ATXN10: variants seen among roughly 807,000 people sequenced by gnomAD.
The protein encoded by ATXN10 is ataxin 10, also known as ataxin-10.
In ATXN10, 28 loss-of-function variants were observed where a neutral mutation model predicts 52.9. The observed-to-expected ratio is 0.53, with a 90% CI of 0.39 to 0.73. The LOEUF (loss-of-function observed/expected upper bound fraction) is 0.73, where lower values mean the gene tolerates loss of function less well. ATXN10 is among the 30% of genes least tolerant of loss of function. ATXN10 has a pLI of 0.00. For missense variants in ATXN10, 565 were observed against 577.0 expected (o/e 0.98, Z 0.21); for synonymous variants, 226 against 221.5 (o/e 1.02, Z -0.18).
rs1926471633 is a variant in ATXN10, at chr22:45,763,492, G to T, written c.1173+22954G>T. 6.6e-6 allele frequency among the ~76,000 whole-genome samples: 1 copy of T among 152,156 alleles called. No individual in the cohort carries two copies. The highest frequency in any genetic ancestry group is 2.4e-5 in the African/African-American group (1 of 41,408). On this transcript the variant is annotated intron_variant, in intron 9 of 11. Coordinates refer to ENST00000252934, the MANE Select transcript of ATXN10 (RefSeq NM_013236.4). The surrounding 1 kb of genome is among the most constrained non-coding windows in gnomAD (Gnocchi z 6.9). Reference sequence around the variant, plus strand: ...CGCTCCTCTCCCCAGCCCCAGGTCTGCAGAGTGTGTGGCTGCTGCACCCTC... The same window carrying T: ...CGCTCCTCTCCCCAGCCCCAGGTCTTCAGAGTGTGTGGCTGCTGCACCCTC...
intron 7 of ATXN10, among the ~76,000 whole-genome samples, chr22:45,735,756 TC>T (rs1925268055): frequency 7.0e-6 from 1 of 143,630 alleles, no homozygotes; most frequent in Non-Finnish European, 1.6e-5. Flanking sequence ...AGGAGACTAA[TC>T]TTTTTTTTTT....
At chr22:45,827,129 CCACACACACA>C (rs57068887) in intron 10 of ATXN10, among the ~76,000 whole-genome samples, 93,369 of 146,452 alleles carry the variant, frequency 0.64, 30,465 homozygotes, top group Middle Eastern at 0.75. Context: ...CCCATGGTAA[CCACACACACA>C]CACACACACA....
At position 45,757,023 on chromosome 22, in the gene ATXN10, G is replaced by T. The variant is rs572688266; in HGVS notation, c.1173+16485G>T. 2.0e-5 allele frequency among the ~76,000 whole-genome samples: 3 copies of T among 152,150 alleles called. No homozygotes were observed. The highest frequency in any genetic ancestry group is 7.2e-5 in the African/African-American group (3 of 41,430). ...GGGAAGGAGTGGAGAAGAACCAGACGAGAGACACGGTTCCAGATGCTTTCC... is the reference window on the plus strand; with the variant it reads ...GGGAAGGAGTGGAGAAGAACCAGACTAGAGACACGGTTCCAGATGCTTTCC... On this transcript the variant is annotated intron_variant, in intron 9 of 11. Coordinates refer to ENST00000252934, the MANE Select transcript of ATXN10 (RefSeq NM_013236.4). The surrounding 1 kb of genome is among the most constrained non-coding windows in gnomAD (Gnocchi z 4.6).
chr22:45,748,006 C>T (rs1001272382), intron 9 of ATXN10, among the ~76,000 whole-genome samples: 6 of 152,000 alleles, frequency 3.9e-5, no homozygotes, highest in African/African-American at 7.3e-5. Flanking sequence ...TGAGACCAGC[C>T]TGGGCAACGT....
chr22:45,812,464 GTATT>G (rs1013546337), intron 10 of ATXN10, among the ~76,000 whole-genome samples: 15 of 152,328 alleles, frequency 9.8e-5, no homozygotes, highest in East Asian at 5.8e-4. Flanking sequence ...GCATGTGTGT[GTATT>G]TATTTATCTG....
At position 45,733,513 on chromosome 22, in the gene ATXN10, T is replaced by C. The variant is rs1401661835; in HGVS notation, c.894+3923T>C. On this transcript the variant is annotated intron_variant, in intron 7 of 11. Coordinates refer to ENST00000252934, the MANE Select transcript of ATXN10 (RefSeq NM_013236.4). The surrounding 1 kb of genome is among the most constrained non-coding windows in gnomAD (Gnocchi z 4.4). ...ACTTTAGGAGGTCGAGGTGGGCAGA[T>C]TGCCTGAGGTCAGGAGTTTGAGACC... Among the ~76,000 whole-genome samples, 2 of 152,162 alleles carry C rather than the reference T, an allele frequency of 1.3e-5. No homozygotes were observed. The highest frequency in any genetic ancestry group is 2.9e-5 in the Non-Finnish European group (2 of 68,018).
intron 9 of ATXN10, among the ~76,000 whole-genome samples, chr22:45,752,664 C>T (rs952823631): frequency 6.6e-6 from 1 of 152,016 alleles, no homozygotes; most frequent in Non-Finnish European, 1.5e-5. Flanking sequence ...AAGGGTTAGG[C>T]CATTTTCAGC....
In ATXN10 at chr22:45,732,463, A is replaced by C. The variant is rs1275009790; in HGVS notation, c.894+2873A>C. On this transcript the variant is annotated intron_variant, in intron 7 of 11. Coordinates refer to ENST00000252934, the MANE Select transcript of ATXN10 (RefSeq NM_013236.4). The surrounding 1 kb of genome is among the most constrained non-coding windows in gnomAD (Gnocchi z 4.5). ...AAGAGTGAGATCCTGTCTCCAAAAA[A>C]AAAGAAAAAATTGTAGGCAGTTTTC... 6.6e-6 allele frequency among the ~76,000 whole-genome samples: 1 copy of C among 152,196 alleles called. No homozygotes were observed. Among genetic ancestry groups the C allele is most frequent in the African/African-American group, 2.4e-5 (1 of 41,456 alleles).
chr22:45,751,740 G>GGAAAAAAAAAAA (rs1555892667), intron 9 of ATXN10, among the ~76,000 whole-genome samples: 3 of 45,494 alleles, frequency 6.6e-5, no homozygotes, highest in Admixed American at 2.5e-4. Context: ...CCTTTTTCTG[G>GGAAAAAAAAAAA]AAAAAAAAAA....
rs535605055 is a variant in ATXN10, at chr22:45,829,898, G to A, written c.1238-13093G>A. ...CCAAACTTCATATGGAATCCCAAGG[G>A]ACATTGAATAGCCAAAACAATGTAT... On this transcript the variant is annotated intron_variant, in intron 10 of 11. Transcript: ENST00000252934. Among the ~76,000 whole-genome samples, 280 of 152,234 alleles carry A rather than the reference G, an allele frequency of 1.8e-3. 1 individual carries two copies. The highest frequency in any genetic ancestry group is 5.0e-3 in the Admixed American group (76 of 15,298).
intron 7 of ATXN10, among the ~76,000 whole-genome samples, chr22:45,730,675 G>A (rs945307137): frequency 1.3e-5 from 2 of 152,232 alleles, no homozygotes. Context: ...GACTTCATGT[G>A]ATCTGCCTGC....
rs541150110 is a variant in ATXN10, at chr22:45,823,169, G to A, written c.1237+16147G>A. On this transcript the variant is annotated intron_variant, in intron 10 of 11. Coordinates refer to ENST00000252934, the MANE Select transcript of ATXN10 (RefSeq NM_013236.4). This position sits in a 1 kb window ranked among gnomAD's most constrained non-coding sequence, Gnocchi z 4.9. ...AATACAGAACATGCCCATCTCCCTA[G>A]GCGGCTTCTTGAGTGTCCCGTCTCC... 7 of 471,738 alleles carry A rather than the reference G, an allele frequency of 1.5e-5. No individual in the cohort carries two copies. The East Asian group carries it at 4.9e-4, about 33-fold the overall frequency. The allele number at this position is 471,738 out of a possible 1,614,324, so 29.2% of individuals were successfully genotyped here. A position where few individuals can be genotyped will look rare whatever the true frequency, so the allele number is the denominator to read the frequency against.
In ATXN10 at chr22:45,844,627, T is replaced by C. The variant is rs1929451556; in HGVS notation, c.*956T>C. 6.6e-6 allele frequency: 1 copy of C among 152,202 alleles called. No homozygotes were observed. Among genetic ancestry groups the C allele is most frequent in the Non-Finnish European group, 1.5e-5 (1 of 68,034 alleles). The allele number at this position is 152,202 out of a possible 1,614,324, so 9.4% of individuals were successfully genotyped here. On this transcript the variant is annotated 3_prime_UTR_variant, in exon 12 of 12. Coordinates refer to ENST00000252934, the MANE Select transcript of ATXN10 (RefSeq NM_013236.4). ...TGCTGTATGAGAGGTAGGACTGGAT[T>C]AAATGACCACTGAACTCACTGAATC...
chr22:45,675,458 C>T (rs1037123015), intron 1 of ATXN10: 1 of 152,232 alleles, frequency 6.6e-6, no homozygotes, highest in Non-Finnish European at 1.5e-5. Flanking sequence ...ACTTCTCAGA[C>T]TAGGTCATAA....
rs1348032717 is a variant in ATXN10 at position 45,727,614 on chromosome 22, G to A, written c.729-1811G>A. Among the ~76,000 whole-genome samples the A allele has an allele frequency of 1.3e-5, 2 of 152,066 alleles. No homozygotes were observed. The highest frequency in any genetic ancestry group is 4.8e-5 in the African/African-American group (2 of 41,396). On this transcript the variant is annotated intron_variant, in intron 6 of 11. Transcript: ENST00000252934. The surrounding 1 kb of genome is among the most constrained non-coding windows in gnomAD (Gnocchi z 4.6). Reference sequence around the variant, plus strand: ...GATCTCAGGTGATCCCCCATCCTCGGCCTCCCAAAGTACTGGGATTTCAGG... The same window carrying A: ...GATCTCAGGTGATCCCCCATCCTCGACCTCCCAAAGTACTGGGATTTCAGG...
chr22:45,816,114 G>T lies in ATXN10; in HGVS notation c.1237+9092G>T, dbSNP rs1030667707. 6.6e-6 allele frequency among the ~76,000 whole-genome samples: 1 copy of T among 152,076 alleles called. No individual in the cohort carries two copies. Among genetic ancestry groups the T allele is most frequent in the Non-Finnish European group, 1.5e-5 (1 of 68,020 alleles). ...AATACAAAAAAAAAATTCGCTAGGC[G>T]TGGTGGCACGCACCCTTAGTCCCAG... On this transcript the variant is annotated intron_variant, in intron 10 of 11. Coordinates refer to ENST00000252934, the MANE Select transcript of ATXN10 (RefSeq NM_013236.4). The surrounding 1 kb of genome is among the most constrained non-coding windows in gnomAD (Gnocchi z 5.8).
At position 45,823,213 on chromosome 22, in the gene ATXN10, A is replaced by G. The variant is rs936414925; in HGVS notation, c.1237+16191A>G. ...CGTCTCCCTCACTGCCAATCCCCAG[A>G]TGTAACTTCTGTTCTGACTTCTATG... On this transcript the variant is annotated intron_variant, in intron 10 of 11. Transcript: ENST00000252934. This position sits in a 1 kb window ranked among gnomAD's most constrained non-coding sequence, Gnocchi z 4.9. 3 of 471,428 alleles carry G rather than the reference A, an allele frequency of 6.4e-6. No individual in the cohort carries two copies. Among genetic ancestry groups the G allele is most frequent in the African/African-American group, 6.0e-5 (3 of 50,048 alleles). 29.2% of individuals were successfully genotyped at this position (471,428 alleles called of 1,614,324 possible). A position where few individuals can be genotyped will look rare whatever the true frequency, so the allele number is the denominator to read the frequency against.
intron 9 of ATXN10, among the ~76,000 whole-genome samples, chr22:45,773,493 C>CT (rs2063695757): frequency 6.6e-6 from 1 of 151,558 alleles, no homozygotes; most frequent in Admixed American, 6.6e-5. Context: ...GTGTCTCGCT[C>CT]TGTCACCCAG....
chr22:45,822,818 A>G (rs1261599269), intron 10 of ATXN10, among the ~76,000 whole-genome samples: 1 of 152,066 alleles, frequency 6.6e-6, no homozygotes. Flanking sequence ...CACGGTGCCC[A>G]GCTGAATTTC....
Sources: allele counts gnomAD v4.1 joint callset (sites outside exome capture counted in the v4.1 genomes callset), GRCh38; gene constraint gnomAD v4.1.1; non-coding constraint Gnocchi (gnomAD v3.1); transcripts MANE v1.5; gene names NCBI Gene and HGNC (gene_info 2026-07-23, HGNC 2026-07-21).